CFAP221: variants seen among roughly 807,000 people sequenced by gnomAD.
The protein encoded by CFAP221 is cilia and flagella associated protein 221.
In CFAP221, 97 loss-of-function variants were observed where a neutral mutation model predicts 113.1. That is an observed-to-expected ratio of 0.86 (90% CI 0.73 to 1.02). The LOEUF (loss-of-function observed/expected upper bound fraction) is 1.02, where lower values mean the gene tolerates loss of function less well. Among genes scored for constraint, CFAP221 ranks in the 50% least tolerant of loss-of-function variants. CFAP221 has a pLI of 0.00. For synonymous variants in CFAP221, 331 were observed against 354.4 expected (o/e 0.93, Z 0.74); for missense variants, 1,025 against 1,013.4 (o/e 1.01, Z -0.16).
intron 6 of CFAP221, among the ~76,000 whole-genome samples, chr2:119,568,760 T>G (rs990104848): frequency 1.3e-5 from 2 of 152,218 alleles, no homozygotes; most frequent in Admixed American, 1.3e-4. Flanking sequence ...TTTGGGTTGA[T>G]TCCATGTCTT....
rs919318737 is a variant in CFAP221 at position 119,623,462 on chromosome 2, A to G, written c.1411-2121A>G. The stretch of plus-strand genomic sequence containing the variant: ...CTGCCCAAAGTAATTTATAGATTCA[A>G]TGCTATTCCCATCAAGCTGCCATTG... On this transcript the variant is annotated intron_variant, in intron 14 of 23. Coordinates refer to ENST00000413369, the MANE Select transcript of CFAP221 (RefSeq NM_001271049.2). Among the ~76,000 whole-genome samples, 48 of 152,242 alleles carry G rather than the reference A, an allele frequency of 3.2e-4. 1 individual carries two copies. Among genetic ancestry groups the G allele is most frequent in the African/African-American group, 1.1e-3 (44 of 41,460 alleles).
chr2:119,578,595 T>C (rs568692652), intron 6 of CFAP221, among the ~76,000 whole-genome samples: 24 of 152,346 alleles, frequency 1.6e-4, no homozygotes, highest in African/African-American at 5.3e-4. Context: ...TTATTGTCTA[T>C]GTTATAGCTT....
At chr2:119,611,617 A>G in intron 12 of CFAP221, 36 bp from the exon 13 acceptor site, 1 of 1,552,468 alleles carries the variant, frequency 6.4e-7, no homozygotes, top group South Asian at 1.2e-5. Context: ...ACGCATTTAT[A>G]TTCAACTTAA....
intron 2 of CFAP221, 53 bp downstream of exon 2, chr2:119,546,323 C>A: frequency 6.6e-7 from 1 of 1,508,286 alleles, no homozygotes; most frequent in Non-Finnish European, 8.8e-7. Context: ...CCCAGGCGAG[C>A]CAAAGTCCAG....
At chr2:119,598,642 C>G (rs1388773771) in intron 7 of CFAP221, among the ~76,000 whole-genome samples, 1 of 152,198 alleles carries the variant, frequency 6.6e-6, no homozygotes, top group Non-Finnish European at 1.5e-5. Context: ...AACATACTCT[C>G]CTTTGTGCCA....
Position 119,588,879 on chromosome 2 carries a change from G to C in CFAP221, c.631+1657G>C, listed in dbSNP as rs139971832. 3.1e-3 allele frequency among the ~76,000 whole-genome samples: 466 copies of C among 152,288 alleles called. 4 individuals are homozygous for C. Among genetic ancestry groups the C allele is most frequent in the African/African-American group, 0.01 (430 of 41,554 alleles). On this transcript the variant is annotated intron_variant, in intron 7 of 23. Coordinates refer to ENST00000413369, the MANE Select transcript of CFAP221 (RefSeq NM_001271049.2). The stretch of plus-strand genomic sequence containing the variant: ...GGGACTGGACACGAGGTCACCTTGG[G>C]AGTGAGTGTGGATAGAGAAGTGGAC...
chr2:119,618,882 A>T (rs1257346685), intron 14 of CFAP221, among the ~76,000 whole-genome samples: 2 of 152,170 alleles, frequency 1.3e-5, no homozygotes, highest in East Asian at 3.9e-4. Context: ...TCCACCTGGG[A>T]CACTTGAGCT....
intron 7 of CFAP221, among the ~76,000 whole-genome samples, chr2:119,595,580 T>G (rs1683906235): frequency 6.6e-6 from 1 of 152,146 alleles, no homozygotes; most frequent in African/African-American, 2.4e-5. Context: ...ATCTGTCCAT[T>G]CATTCCATAA....
rs573406928 is a variant in CFAP221 at position 119,645,218 on chromosome 2, GC to G, written c.2226-1738del. Among the ~76,000 whole-genome samples, 393 of 150,928 alleles carry G rather than the reference GC, an allele frequency of 2.6e-3. 3 individuals are homozygous for G. Among genetic ancestry groups the G allele is most frequent in the African/African-American group, 9.2e-3 (377 of 41,016 alleles). ...TATGATTTGTTTCAGTTTGCTTTCAGCCTTTGTTTTTTATTTCACTTTCTTA... is the reference window on the plus strand; with the variant it reads ...TATGATTTGTTTCAGTTTGCTTTCAGCTTTGTTTTTTATTTCACTTTCTTA... On this transcript the variant is annotated intron_variant, in intron 21 of 23. Coordinates refer to ENST00000413369, the MANE Select transcript of CFAP221 (RefSeq NM_001271049.2).
intron 21 of CFAP221, among the ~76,000 whole-genome samples, chr2:119,645,787 G>A (rs918702307): frequency 3.3e-5 from 5 of 152,118 alleles, no homozygotes; most frequent in African/African-American, 4.8e-5. Flanking sequence ...GTTTCCTTCC[G>A]AGTGGGCTCC....
chr2:119,638,407 T>G lies in CFAP221; in HGVS notation c.2123T>G (p.Leu708Arg). The change falls in exon 20 of 24, where the codon CTC becomes CGC. Residue 708 changes from leucine to arginine, a missense_variant. By Grantham distance (102) the Leu-to-Arg change is moderately radical. Coordinates refer to ENST00000413369, the MANE Select transcript of CFAP221 (RefSeq NM_001271049.2). ...SSIPVTQKQF[L>R]HHTDIIPGIM... is the part of the protein sequence containing the mutation. ...ATTCCTGTCACCCAAAAGCAGTTTC[T>G]CCATCACACGGTAATGTCATCACCA... 6.2e-7 allele frequency: 1 copy of G among 1,614,036 alleles called. No individual in the cohort carries two copies. The highest frequency in any genetic ancestry group is 8.5e-7 in the Non-Finnish European group (1 of 1,180,012).
chr2:119,633,952 C>G (rs1410304389), intron 19 of CFAP221, among the ~76,000 whole-genome samples: 2 of 152,156 alleles, frequency 1.3e-5, no homozygotes, highest in Non-Finnish European at 2.9e-5. Context: ...GCCATATGAT[C>G]CAGCAATCTG....
intron 11 of CFAP221, among the ~76,000 whole-genome samples, chr2:119,608,109 A>G (rs1159173697): frequency 2.0e-5 from 3 of 152,114 alleles, no homozygotes; most frequent in Non-Finnish European, 4.4e-5. Context: ...TGGCCAAACC[A>G]TTTTACATTC....
chr2:119,546,010 T>A, intron 1 of CFAP221, 75 bp from the exon 2 acceptor site: 2 of 1,079,104 alleles, frequency 1.9e-6, no homozygotes. Flanking sequence ...AGAGACGAGG[T>A]ACATTTATCA....
At chr2:119,581,592 G>T (rs538415906) in intron 6 of CFAP221, among the ~76,000 whole-genome samples, 1 of 152,288 alleles carries the variant, frequency 6.6e-6, no homozygotes, top group African/African-American at 2.4e-5. Flanking sequence ...AGACTGAAAA[G>T]CTCCAAGATA....
rs111751191 is a variant in CFAP221 at position 119,608,907 on chromosome 2, G to A, written c.1221+318G>A. On this transcript the variant is annotated intron_variant, in intron 12 of 23. Transcript: ENST00000413369. Reference sequence around the variant, plus strand: ...CACATGGAGGGAATGGCTCAAATTCGAGCTGGAATTTTGAGTTGGGGTCCC... The same window carrying A: ...CACATGGAGGGAATGGCTCAAATTCAAGCTGGAATTTTGAGTTGGGGTCCC... Among the ~76,000 whole-genome samples, 185 of 152,262 alleles carry A rather than the reference G, an allele frequency of 1.2e-3. 1 individual carries two copies. The highest frequency in any genetic ancestry group is 9.8e-3 in the East Asian group (51 of 5,184).
At chr2:119,622,507 A>C (rs1686001969) in intron 14 of CFAP221, among the ~76,000 whole-genome samples, 1 of 152,228 alleles carries the variant, frequency 6.6e-6, no homozygotes, top group Non-Finnish European at 1.5e-5. Flanking sequence ...ACTCCTCCCT[A>C]ACTCATTTTA....
At chr2:119,546,335 G>A in intron 2 of CFAP221, 65 bp downstream of exon 2, 1 of 1,464,956 alleles carries the variant, frequency 6.8e-7, no homozygotes, top group Non-Finnish European at 9.1e-7. Flanking sequence ...AAAGTCCAGA[G>A]AGCATAATGG....
intron 3 of CFAP221, among the ~76,000 whole-genome samples, chr2:119,550,468 G>A (rs964961039): frequency 6.6e-6 from 1 of 152,166 alleles, no homozygotes; most frequent in Non-Finnish European, 1.5e-5. Flanking sequence ...TTAGGAAAAG[G>A]ATTAGGATTT....
Sources: allele counts gnomAD v4.1 joint callset (sites outside exome capture counted in the v4.1 genomes callset), GRCh38; gene constraint gnomAD v4.1.1; transcripts MANE v1.5; gene names NCBI Gene and HGNC (gene_info 2026-07-23, HGNC 2026-07-21).